CTNNA3: variants seen among roughly 807,000 people sequenced by gnomAD.
The protein encoded by CTNNA3 is catenin alpha-3.
CTNNA3 carries 76 observed loss-of-function variants against 95.7 expected under a neutral mutation model. The observed-to-expected ratio is 0.79, with a 90% CI of 0.66 to 0.96. CTNNA3 has a LOEUF of 0.96. Among genes scored for constraint, CTNNA3 ranks in the 40% least tolerant of loss-of-function variants. The pLI, the probability that CTNNA3 is intolerant of heterozygous loss-of-function variation, is 0.00. For missense variants in CTNNA3, 1,191 were observed against 1,089.8 expected, an observed-to-expected ratio of 1.09 and a Z score of -1.31; for synonymous variants, 431 against 374.4, an observed-to-expected ratio of 1.15 and a Z score of -1.74.
At chr10:67,440,139 T>C (rs1018552801) in intron 5 of CTNNA3, among the ~76,000 whole-genome samples, 1 of 152,152 alleles carries the variant, frequency 6.6e-6, no homozygotes, top group African/African-American at 2.4e-5. Context: ...CCTGGCAGCG[T>C]TCACCACAAG....
chr10:67,180,264 T>G (rs938786498), intron 7 of CTNNA3, 53 bp downstream of exon 7: 29 of 1,440,670 alleles, frequency 2.0e-5, no homozygotes, highest in Non-Finnish European at 2.5e-5. Context: ...CAGCCTATAT[T>G]CAAAGTACAA....
At chr10:65,940,405 A>G (rs566707594) in intron 17 of CTNNA3, among the ~76,000 whole-genome samples, 1 of 152,318 alleles carries the variant, frequency 6.6e-6, no homozygotes, top group Non-Finnish European at 1.5e-5. Flanking sequence ...ACATAACAGA[A>G]AACAGGAAAA....
At chr10:66,660,477 C>T (rs1276687303) in intron 9 of CTNNA3, among the ~76,000 whole-genome samples, 1 of 152,088 alleles carries the variant, frequency 6.6e-6, no homozygotes, top group Non-Finnish European at 1.5e-5. Flanking sequence ...TAGAGTTGTG[C>T]TAGAGAGACA....
intron 7 of CTNNA3, among the ~76,000 whole-genome samples, chr10:66,894,114 G>A (rs1305675199): frequency 1.3e-5 from 2 of 151,818 alleles, no homozygotes; most frequent in African/African-American, 2.4e-5. Context: ...TATTAATTAG[G>A]TGTTTATCCA....
chr10:66,052,643 T>C (rs913335159), intron 15 of CTNNA3, among the ~76,000 whole-genome samples: 1 of 151,974 alleles, frequency 6.6e-6, no homozygotes, highest in Admixed American at 6.6e-5. Context: ...ACCTGAGCAC[T>C]AGCGAAAAAT....
At chr10:66,403,526 A>G (rs2093035532) in intron 11 of CTNNA3, among the ~76,000 whole-genome samples, 1 of 152,206 alleles carries the variant, frequency 6.6e-6, no homozygotes, top group East Asian at 1.9e-4. Flanking sequence ...CTGACTCACT[A>G]TCATGAGAGC....
chr10:66,362,958 G>A (rs1305822053), intron 12 of CTNNA3, among the ~76,000 whole-genome samples: 2 of 152,060 alleles, frequency 1.3e-5, no homozygotes, highest in African/African-American at 2.4e-5. Flanking sequence ...TTCTGAAAAG[G>A]AAAACATCTT....
At chr10:66,376,983 T>G (rs1350316466) in intron 12 of CTNNA3, among the ~76,000 whole-genome samples, 3 of 152,090 alleles carry the variant, frequency 2.0e-5, no homozygotes, top group African/African-American at 7.2e-5. Flanking sequence ...GGAAAGAAAA[T>G]TTTCACATTT....
rs375485177 is a variant in CTNNA3, at chr10:66,530,025, A to G, written c.1375-9252T>C. Among the ~76,000 whole-genome samples, 41 of 152,318 alleles carry G rather than the reference A, an allele frequency of 2.7e-4. No homozygotes were observed. The South Asian group carries it at 7.9e-3, about 29-fold the overall frequency. ...TTAACATTTGATTTAATGCTGATGT[A>G]TATACTTCTCTTGAAAGATTTCTAA... On this transcript the variant is annotated intron_variant, in intron 10 of 17. Coordinates refer to ENST00000433211, the MANE Select transcript of CTNNA3 (RefSeq NM_013266.4).
chr10:67,651,298 T>C (rs1839871401), intron 1 of CTNNA3, among the ~76,000 whole-genome samples: 1 of 152,206 alleles, frequency 6.6e-6, no homozygotes, highest in Admixed American at 6.5e-5. Flanking sequence ...TCAAAGATTA[T>C]TGCAAACTCA....
At chr10:67,478,222 T>C (rs891008144) in intron 5 of CTNNA3, among the ~76,000 whole-genome samples, 1 of 152,222 alleles carries the variant, frequency 6.6e-6, no homozygotes, top group Non-Finnish European at 1.5e-5. Context: ...TCAAAATTTC[T>C]GTGAGAGGAG....
chr10:67,347,552 G>T (rs1489605413), intron 5 of CTNNA3, among the ~76,000 whole-genome samples: 1 of 152,134 alleles, frequency 6.6e-6, no homozygotes, highest in African/African-American at 2.4e-5. Context: ...GTTGATGAAT[G>T]AAACAAACTG....
At chr10:66,287,779 T>C (rs1043308708) in intron 12 of CTNNA3, among the ~76,000 whole-genome samples, 6 of 152,082 alleles carry the variant, frequency 3.9e-5, no homozygotes, top group African/African-American at 1.4e-4. Context: ...ATTTCAGACA[T>C]TCAAGTACAC....
At chr10:66,083,178 C>T (rs990025224) in intron 14 of CTNNA3, among the ~76,000 whole-genome samples, 1 of 152,258 alleles carries the variant, frequency 6.6e-6, no homozygotes, top group African/African-American at 2.4e-5. Context: ...AACTGAGATG[C>T]TATAAAAACT....
chr10:66,494,993 G>A (rs543573094), intron 11 of CTNNA3, among the ~76,000 whole-genome samples: 3 of 152,288 alleles, frequency 2.0e-5, no homozygotes, highest in Admixed American at 6.5e-5. Context: ...CCCTCATTGC[G>A]TATTGAACGC....
intron 1 of CTNNA3, among the ~76,000 whole-genome samples, chr10:67,743,892 C>A (rs1362914762): frequency 1.3e-5 from 2 of 150,986 alleles, no homozygotes; most frequent in South Asian, 2.1e-4. Context: ...TGAGTGAACT[C>A]CCATTCACAA....
chr10:66,153,494 G>T lies in CTNNA3; in HGVS notation c.1885-50245C>A, dbSNP rs538820776. On this transcript the variant is annotated intron_variant, in intron 13 of 17. Transcript: ENST00000433211. ...GGGAGACAGCCAAAATCTCAGTGTT[G>T]TTCTTTTAGCCTTAGCTGCAGGATG... 1.2e-4 allele frequency among the ~76,000 whole-genome samples: 18 copies of T among 152,042 alleles called. 1 individual carries two copies. In the South Asian group the frequency reaches 3.5e-3, roughly 30 times the overall value.
intron 12 of CTNNA3, among the ~76,000 whole-genome samples, chr10:66,282,818 G>A (rs751858580): frequency 6.6e-6 from 1 of 151,816 alleles, no homozygotes; most frequent in Non-Finnish European, 1.5e-5. Context: ...ATTGTTCCTT[G>A]AAGCTTTTCT....
intron 5 of CTNNA3, among the ~76,000 whole-genome samples, chr10:67,425,973 GT>G (rs1431626955): frequency 1.3e-5 from 2 of 152,068 alleles, no homozygotes; most frequent in African/African-American, 4.8e-5. Flanking sequence ...GAGAACTAGG[GT>G]CACCCTCTGT....
Sources: allele counts gnomAD v4.1 joint callset (sites outside exome capture counted in the v4.1 genomes callset), GRCh38; gene constraint gnomAD v4.1.1; transcripts MANE v1.5; gene names NCBI Gene and HGNC (gene_info 2026-07-23, HGNC 2026-07-21).